Variants in TSHZ3 observed in about 807,000 individuals in gnomAD.
TSHZ3 encodes the protein teashirt zinc finger homeobox 3, also known as teashirt homolog 3.
In TSHZ3, 10 loss-of-function variants were observed where a neutral mutation model predicts 64.5. The observed-to-expected ratio is 0.16, with a 90% CI of 0.10 to 0.26. TSHZ3 has a LOEUF of 0.26. TSHZ3 is among the 10% of genes least tolerant of loss of function. TSHZ3 has a pLI of 1.00. For missense variants in TSHZ3, 1,242 were observed against 1,421.7 expected, an observed-to-expected ratio of 0.87 and a Z score of 2.03; for synonymous variants, 608 against 593.1, an observed-to-expected ratio of 1.03 and a Z score of -0.36.
chr19:31,248,853 T>C (rs1418701795), intron 1 of TSHZ3, among the ~76,000 whole-genome samples: 8 of 151,434 alleles, frequency 5.3e-5, no homozygotes, highest in African/African-American at 1.9e-4. Context: ...GGATTCAGGT[T>C]CAAATGTCGG....
At chr19:31,161,031 A>G (rs1974368336) in intron 5 of TSHZ3, among the ~76,000 whole-genome samples, 1 of 152,122 alleles carries the variant, frequency 6.6e-6, no homozygotes, top group African/African-American at 2.4e-5. Flanking sequence ...ATTTCCTTAC[A>G]TAGTTCCAAA....
chr19:31,265,234 T>TA, intron 1 of TSHZ3, among the ~76,000 whole-genome samples: 1 of 151,088 alleles, frequency 6.6e-6, no homozygotes, highest in South Asian at 2.1e-4. Context: ...CCGTCTCTAC[T>TA]AAAAATATGA....
intron 1 of TSHZ3, among the ~76,000 whole-genome samples, chr19:31,339,502 G>A (rs986370312): frequency 2.0e-5 from 3 of 152,202 alleles, no homozygotes; most frequent in Middle Eastern, 3.4e-3. Context: ...CCAAGAGGAG[G>A]AAGAGACAGC....
chr19:31,313,809 T>TA, intron 1 of TSHZ3, among the ~76,000 whole-genome samples: 1 of 152,294 alleles, frequency 6.6e-6, no homozygotes, highest in East Asian at 1.9e-4. Context: ...TTCATAGCCA[T>TA]GCACTACCAG....
chr19:31,298,769 AGGACT>A (rs1028257175), intron 1 of TSHZ3, among the ~76,000 whole-genome samples: 1 of 151,710 alleles, frequency 6.6e-6, no homozygotes, highest in African/African-American at 2.4e-5. Context: ...ACACAGAACG[AGGACT>A]GGAATTGGGA....
At chr19:31,250,556 T>G (rs1975826407) in intron 1 of TSHZ3, among the ~76,000 whole-genome samples, 1 of 152,226 alleles carries the variant, frequency 6.6e-6, no homozygotes, top group Admixed American at 6.5e-5. Context: ...CTTAGCACAG[T>G]GCATTGTAAT....
chr19:31,321,799 T>G (rs995660053), intron 1 of TSHZ3, among the ~76,000 whole-genome samples: 5 of 152,012 alleles, frequency 3.3e-5, no homozygotes, highest in African/African-American at 1.2e-4. Context: ...ATATTATGTA[T>G]GAGTAAACGC....
chr19:31,295,811 G>A (rs1028573425), intron 1 of TSHZ3, among the ~76,000 whole-genome samples: 3 of 151,186 alleles, frequency 2.0e-5, no homozygotes, highest in Non-Finnish European at 4.4e-5. Context: ...AGGGGGTACA[G>A]GTACAGGTTT....
At chr19:31,337,013 ATT>A (rs57786560) in intron 1 of TSHZ3, among the ~76,000 whole-genome samples, 15,652 of 131,324 alleles carry the variant, frequency 0.12, 1,011 homozygotes, top group East Asian at 0.35. Flanking sequence ...CTTTTTTTCT[ATT>A]TTTTTTTTTT....
Position 31,151,745 on chromosome 19 carries a change from C to T in TSHZ3, n.872-1G>A, listed in dbSNP as rs538489134. On this transcript the variant is annotated splice_acceptor_variant and non_coding_transcript_variant, in intron 6 of 6. Transcript: ENST00000651361. ...CTGATGAAACATAGGGCTTCTCTTC[C>T]TAGCACAACAACAGAGAGGGAAGAA... 7.2e-5 allele frequency among the ~76,000 whole-genome samples: 11 copies of T among 152,264 alleles called. No individual in the cohort carries two copies. The East Asian group carries it at 2.1e-3, about 29-fold the overall frequency.
downstream of TSHZ3, among the ~76,000 whole-genome samples, chr19:31,271,204 G>A (rs747355208): frequency 2.4e-4 from 36 of 152,104 alleles, no homozygotes; most frequent in Non-Finnish European, 4.1e-4. Context: ...ATCATCCAGC[G>A]CTTTGGGATG....
chr19:31,280,231 A>T (rs1976338161), intron 1 of TSHZ3, among the ~76,000 whole-genome samples: 2 of 152,168 alleles, frequency 1.3e-5, no homozygotes, highest in African/African-American at 4.8e-5. Flanking sequence ...TACATTTTTG[A>T]GGCTCAATCT....
intron 1 of TSHZ3, among the ~76,000 whole-genome samples, chr19:31,289,106 ACT>A (rs1976516988): frequency 6.6e-6 from 1 of 152,110 alleles, no homozygotes; most frequent in African/African-American, 2.4e-5. Flanking sequence ...AGTTAAAGAA[ACT>A]CTGCAAATAG....
chr19:31,265,594 G>A (rs564070381), intron 1 of TSHZ3, among the ~76,000 whole-genome samples: 4 of 152,178 alleles, frequency 2.6e-5, no homozygotes, highest in African/African-American at 9.6e-5. Flanking sequence ...ACTGAGGCCA[G>A]ACATTATTCG....
chr19:31,341,675 C>A (rs1276403985), intron 1 of TSHZ3, among the ~76,000 whole-genome samples: 1 of 142,770 alleles, frequency 7.0e-6, no homozygotes, highest in Non-Finnish European at 1.5e-5. Context: ...ACACACAGCA[C>A]TTCCCACAGT....
At chr19:31,162,154 C>G (rs1974381459) in intron 5 of TSHZ3, among the ~76,000 whole-genome samples, 1 of 152,136 alleles carries the variant, frequency 6.6e-6, no homozygotes, top group Non-Finnish European at 1.5e-5. Flanking sequence ...CTCCAAGGAT[C>G]TGTGAGTTCC....
intron 1 of TSHZ3, among the ~76,000 whole-genome samples, chr19:31,329,486 G>A (rs142127016): frequency 2.6e-5 from 4 of 152,328 alleles, no homozygotes; most frequent in Non-Finnish European, 4.4e-5. Flanking sequence ...TAGGCAGAGT[G>A]GAGGCATCTC....
In TSHZ3 at chr19:31,265,114, C is replaced by T. The variant is rs951668844; in HGVS notation, n.64-22239G>A. Among the ~76,000 whole-genome samples the T allele has an allele frequency of 2.0e-5, 3 of 151,954 alleles. No homozygotes were observed. In the East Asian group the frequency reaches 5.8e-4, roughly 29 times the overall value. On this transcript the variant is annotated intron_variant and non_coding_transcript_variant, in intron 1 of 6. Transcript: ENST00000651361. ...CAGTGGGTCACAAAAATCCCATAGC[C>T]GGCTGGGTGCAGTGGATCATGCCTG... is the stretch of plus-strand genomic sequence containing the variant.
rs777071664 is a variant in TSHZ3 at position 31,278,849 on chromosome 19, T to C, written c.944A>G (p.Lys315Arg). 2.5e-6 allele frequency: 4 copies of C among 1,614,074 alleles called. No homozygotes were observed. In the Middle Eastern group the frequency reaches 4.9e-4, roughly 200 times the overall value. ...LKEPVTPVAA[K>R]IIPATRKKAS... ...TTTCTTCCGAGTGGCAGGGATGATTTTGGCGGCGACAGGAGTGACGGGTTC... is the reference window on the plus strand; with the variant it reads ...TTTCTTCCGAGTGGCAGGGATGATTCTGGCGGCGACAGGAGTGACGGGTTC... The change falls in exon 2 of 2, where the codon AAA (lysine) becomes AGA (arginine). Residue 315 changes from lysine (K) to arginine (R), a missense_variant. This residue lies in a region of TSHZ3 where 555 missense variants were observed against 704.0 expected (regional missense o/e 0.79). Coordinates refer to ENST00000240587, the MANE Select transcript of TSHZ3 (RefSeq NM_020856.4). The surrounding 1 kb of genome is among the most constrained non-coding windows in gnomAD (Gnocchi z 4.7).
Sources: allele counts gnomAD v4.1 joint callset (sites outside exome capture counted in the v4.1 genomes callset), GRCh38; gene constraint gnomAD v4.1.1; regional missense constraint gnomAD v4.1.1; non-coding constraint Gnocchi (gnomAD v3.1); transcripts MANE v1.5; gene names NCBI Gene and HGNC (gene_info 2026-07-23, HGNC 2026-07-21).